KL: variants seen among roughly 807,000 people sequenced by gnomAD.
The protein encoded by KL is alpha-klotho.
KL carries 62 observed loss-of-function variants against 84.2 expected under a neutral mutation model. That is an observed-to-expected ratio of 0.74 (90% CI 0.60 to 0.91). The LOEUF is 0.91. Among genes scored for constraint, KL ranks in the 40% least tolerant of loss-of-function variants. The pLI, the probability that KL is intolerant of heterozygous loss-of-function variation, is 0.00. For synonymous variants in KL, 528 were observed against 528.0 expected, an observed-to-expected ratio of 1.00 and a Z score of 0.00; for missense variants, 1,261 against 1,305.7, an observed-to-expected ratio of 0.97 and a Z score of 0.53.
Position 33,054,010 on chromosome 13 carries a change from T to C in KL, c.1063T>C (p.Ser355Pro). The change falls in exon 2 of 5, where the codon TCT (serine) becomes CCT (proline). Residue 355 changes from serine (S) to proline (P), a missense_variant. By Grantham distance (74) the Ser-to-Pro change is moderately conservative. Coordinates refer to ENST00000380099, the MANE Select transcript of KL (RefSeq NM_004795.4). The part of the protein sequence containing the change: ...LSSILPDFTE[S>P]EKKFIKGTAD... ...ATCTATTCTGCCTGATTTTACTGAA[T>C]CTGAGAAAAAGTTCATCAAAGGAAC... is the stretch of plus-strand genomic sequence containing the variant. 2 of 1,613,380 alleles carry C rather than the reference T, an allele frequency of 1.2e-6. No homozygotes were observed. Among genetic ancestry groups the C allele is most frequent in the Non-Finnish European group, 1.7e-6 (2 of 1,179,390 alleles).
intron 1 of KL, among the ~76,000 whole-genome samples, chr13:33,033,267 G>A (rs901526703): frequency 1.3e-5 from 2 of 152,164 alleles, no homozygotes; most frequent in African/African-American, 4.8e-5. Context: ...TGAGAAATAC[G>A]GGAGATGGGA....
chr13:33,058,351 CT>C (rs537430345), intron 3 of KL, among the ~76,000 whole-genome samples: 2 of 115,052 alleles, frequency 1.7e-5, no homozygotes, highest in Non-Finnish European at 3.8e-5. Flanking sequence ...TTTTTTTTTT[CT>C]TTTTTTTTGA....
intron 1 of KL, among the ~76,000 whole-genome samples, chr13:33,029,834 C>T (rs1013102559): frequency 1.3e-5 from 2 of 151,992 alleles, no homozygotes; most frequent in South Asian, 4.2e-4. Flanking sequence ...GGGGTTTCAC[C>T]GTGTTAGTCG....
At chr13:33,053,745 G>T (rs1871838437) in intron 1 of KL, 22 bp from the exon 2 acceptor site, 1 of 1,612,338 alleles carries the variant, frequency 6.2e-7, no homozygotes, top group African/African-American at 1.3e-5. Context: ...AGATAAATTT[G>T]CCATGGTTTT....
At position 33,063,904 on chromosome 13, in the gene KL, C is replaced by T; in HGVS notation, c.2757C>T (p.Asp919=). 1 of 1,614,204 alleles carries T rather than the reference C, an allele frequency of 6.2e-7. No individual in the cohort carries two copies. The highest frequency in any genetic ancestry group is 8.5e-7 in the Non-Finnish European group (1 of 1,180,040). Residue 919 remains aspartate, a synonymous_variant, in exon 5 of 5, where the codon GAC becomes GAT. Coordinates refer to ENST00000380099, the MANE Select transcript of KL (RefSeq NM_004795.4). ...LCGYFAYSFN[D]RTAPRFGLYR... ...GATACTTTGCTTATTCGTTTAACGA[C>T]CGCACAGCTCCGAGGTTTGGCCTCT... is the stretch of plus-strand genomic sequence containing the variant.
At chr13:33,055,770 T>C (rs1303927019) in intron 3 of KL, among the ~76,000 whole-genome samples, 1 of 152,198 alleles carries the variant, frequency 6.6e-6, no homozygotes, top group African/African-American at 2.4e-5. Context: ...AGAAATACCC[T>C]AAGAAAGTAA....
chr13:33,046,739 A>T (rs1871542555), intron 1 of KL, among the ~76,000 whole-genome samples: 1 of 115,904 alleles, frequency 8.6e-6, no homozygotes. Context: ...AGTTATTGAG[A>T]TATATCTTGT....
chr13:33,044,664 T>TTTTTTTTTTTG (rs1871461506), intron 1 of KL, among the ~76,000 whole-genome samples: 1 of 105,004 alleles, frequency 9.5e-6, no homozygotes, highest in Admixed American at 9.7e-5. Flanking sequence ...TTTTTTTTTT[T>TTTTTTTTTTTG]TTTTGAGACA....
At position 33,063,502 on chromosome 13, in the gene KL, G is replaced by A. The variant is rs1872287659; in HGVS notation, c.2702-347G>A. Among the ~76,000 whole-genome samples, 3 of 152,152 alleles carry A rather than the reference G, an allele frequency of 2.0e-5. No homozygotes were observed. In the South Asian group the frequency reaches 6.2e-4, roughly 32 times the overall value. ...GGCTACGTAAAAGTGGCCGGGCGTG[G>A]TGACTCACGCCTGTAATCCCAGCAC... On this transcript the variant is annotated intron_variant, in intron 4 of 4. Coordinates refer to ENST00000380099, the MANE Select transcript of KL (RefSeq NM_004795.4).
At chr13:33,045,770 C>A (rs538478820) in intron 1 of KL, among the ~76,000 whole-genome samples, 2 of 152,186 alleles carry the variant, frequency 1.3e-5, no homozygotes, top group Admixed American at 1.3e-4. Context: ...TGAGCCACCA[C>A]GCCCGGCCCA....
intron 1 of KL, among the ~76,000 whole-genome samples, chr13:33,047,477 C>T (rs1001072413): frequency 8.6e-5 from 13 of 151,972 alleles, no homozygotes; most frequent in African/African-American, 1.5e-4. Context: ...CTCAGCCTCC[C>T]GAGTAGCTGG....
intron 1 of KL, among the ~76,000 whole-genome samples, chr13:33,034,538 A>T (rs1871088604): frequency 6.6e-6 from 1 of 150,856 alleles, no homozygotes; most frequent in Non-Finnish European, 1.5e-5. Flanking sequence ...TGTGAGTGCC[A>T]CCAAAAAAAA....
intron 1 of KL, among the ~76,000 whole-genome samples, chr13:33,036,262 T>C (rs1871143218): frequency 6.6e-6 from 1 of 152,054 alleles, no homozygotes; most frequent in Admixed American, 6.6e-5. Flanking sequence ...CCAGGGACTT[T>C]AGATGTTAAC....
intron 1 of KL, among the ~76,000 whole-genome samples, chr13:33,037,733 C>A (rs1327201000): frequency 3.3e-5 from 5 of 152,076 alleles, no homozygotes; most frequent in Non-Finnish European, 7.4e-5. Flanking sequence ...TGCTTCTCTG[C>A]AATTGCCATG....
intron 1 of KL, among the ~76,000 whole-genome samples, chr13:33,032,197 T>C (rs191423480): frequency 6.6e-6 from 1 of 152,358 alleles, no homozygotes; most frequent in East Asian, 1.9e-4. Flanking sequence ...TTAACCTTAA[T>C]TGACATCTGA....
chr13:33,047,467 C>A (rs1397192262), intron 1 of KL, among the ~76,000 whole-genome samples: 2 of 151,726 alleles, frequency 1.3e-5, no homozygotes, highest in East Asian at 3.9e-4. Context: ...ATTCTCCTGT[C>A]TCAGCCTCCC....
In KL at chr13:33,053,880, C is replaced by T. The variant is rs376305877; in HGVS notation, c.933C>T (p.His311=). Reference sequence around the variant, plus strand: ...TCAATCCTCGAAGAATGACCGACCACAGCATCAAAGAATGTCAAAAATCTC... The same window carrying T: ...TCAATCCTCGAAGAATGACCGACCATAGCATCAAAGAATGTCAAAAATCTC... ...HWINPRRMTD[H]SIKECQKSLD... is the part of the protein sequence containing the mutation. Residue 311 remains histidine (H), a synonymous_variant, in exon 2 of 5, where the codon CAC becomes CAT. Coordinates refer to ENST00000380099, the MANE Select transcript of KL (RefSeq NM_004795.4). 6.2e-7 allele frequency: 1 copy of T among 1,614,078 alleles called. No homozygotes were observed. Among genetic ancestry groups the T allele is most frequent in the Non-Finnish European group, 8.5e-7 (1 of 1,180,040 alleles).
At chr13:33,033,137 C>A (rs1262404833) in intron 1 of KL, among the ~76,000 whole-genome samples, 1 of 152,214 alleles carries the variant, frequency 6.6e-6, no homozygotes, top group African/African-American at 2.4e-5. Context: ...CAATTCAGAT[C>A]TCTCTTTTTT....
At chr13:33,051,738 C>T (rs1036812510) in intron 1 of KL, among the ~76,000 whole-genome samples, 2 of 152,088 alleles carry the variant, frequency 1.3e-5, no homozygotes, top group Non-Finnish European at 1.5e-5. Context: ...CAAAACTGAC[C>T]GAGATTAATG....
Sources: gnomAD v4.1 joint callset for allele counts (sites outside exome capture counted in the v4.1 genomes callset) on GRCh38, gnomAD v4.1.1 for gene constraint, MANE v1.5 for transcripts, NCBI Gene and HGNC (gene_info 2026-07-23, HGNC 2026-07-21) for gene names.